The following SPEF2 variants were observed in gnomAD, a reference collection of about 807,000 sequenced individuals.
SPEF2 encodes sperm flagellar and cilia associated 2.
In SPEF2, 187 loss-of-function variants were observed where a neutral mutation model predicts 224.6. The ratio of observed to expected loss-of-function variants is 0.83; its 90% confidence interval spans 0.74 to 0.94. The LOEUF is 0.94. SPEF2 is among the 40% of genes least tolerant of loss of function. SPEF2 has a pLI of 0.00. For missense variants in SPEF2, 2,170 were observed against 2,135.6 expected (o/e 1.02, Z -0.32); for synonymous variants, 715 against 707.3 (o/e 1.01, Z -0.17).
chr5:35,795,568 C>T (rs1053075863), intron 32 of SPEF2, 135 bp from the exon 33 acceptor site: 2 of 603,284 alleles, frequency 3.3e-6, no homozygotes, highest in African/African-American at 3.7e-5. Context: ...TTTTCTCCTA[C>T]ACCCCTGTGG....
At chr5:35,771,515 A>C in intron 26 of SPEF2, 94 bp from the exon 27 acceptor site, 5 of 1,458,526 alleles carry the variant, frequency 3.4e-6, no homozygotes. Context: ...ACAGTGGATT[A>C]AGGTTTCAAC....
At chr5:35,650,613 C>G (rs1748050493) in intron 6 of SPEF2, among the ~76,000 whole-genome samples, 3 of 152,124 alleles carry the variant, frequency 2.0e-5, no homozygotes, top group Non-Finnish European at 4.4e-5. Context: ...TTTCCTGGGA[C>G]CCCTCAATTT....
At chr5:35,622,628 T>G (rs1743683744) in intron 1 of SPEF2, among the ~76,000 whole-genome samples, 1 of 152,182 alleles carries the variant, frequency 6.6e-6, no homozygotes, top group African/African-American at 2.4e-5. Context: ...GTCTAAACCT[T>G]ACACATTTTC....
At chr5:35,710,801 T>C (rs1208215243) in intron 19 of SPEF2, 2 of 985,060 alleles carry the variant, frequency 2.0e-6, no homozygotes, top group Non-Finnish European at 2.4e-6. Context: ...TATAATTATA[T>C]TCTTGAATAC....
At chr5:35,805,167 A>G (rs1212303794) in intron 34 of SPEF2, among the ~76,000 whole-genome samples, 1 of 152,138 alleles carries the variant, frequency 6.6e-6, no homozygotes, top group African/African-American at 2.4e-5. Flanking sequence ...TTGATTCCAA[A>G]ATCTTCACCT....
intron 30 of SPEF2, chr5:35,789,263 A>G (rs1179972900): frequency 1.4e-6 from 1 of 703,096 alleles, no homozygotes; most frequent in African/African-American, 1.7e-5. Flanking sequence ...GTTGGATGTC[A>G]TGAATGTCCT....
intron 10 of SPEF2, among the ~76,000 whole-genome samples, chr5:35,675,013 T>G (rs1751735171): frequency 6.6e-6 from 1 of 152,216 alleles, no homozygotes; most frequent in Non-Finnish European, 1.5e-5. Flanking sequence ...TAATTCTAAT[T>G]ATTCATTTTA....
At chr5:35,665,245 C>A (rs1013256062) in intron 8 of SPEF2, among the ~76,000 whole-genome samples, 1 of 152,120 alleles carries the variant, frequency 6.6e-6, no homozygotes, top group Admixed American at 6.5e-5. Context: ...ATTTTAGAGT[C>A]CAGGCTCATA....
chr5:35,663,631 C>T (rs1011808458), intron 8 of SPEF2, among the ~76,000 whole-genome samples: 2 of 152,148 alleles, frequency 1.3e-5, no homozygotes, highest in African/African-American at 4.8e-5. Flanking sequence ...GTTTCTACTG[C>T]AGTACTACTA....
At chr5:35,633,144 G>C (rs943094787) in intron 2 of SPEF2, 1 of 152,110 alleles carries the variant, frequency 6.6e-6, no homozygotes, top group African/African-American at 2.4e-5. Context: ...ATATCTGTGA[G>C]GTCCAGTTGG....
chr5:35,710,760 T>C, intron 19 of SPEF2: 1 of 985,304 alleles, frequency 1.0e-6, no homozygotes, highest in Non-Finnish European at 1.2e-6. Flanking sequence ...ACCAGCTCAG[T>C]CTTTAAGTTT....
At position 35,709,032 on chromosome 5, in the gene SPEF2, C is replaced by T; in HGVS notation, c.2750C>T (p.Ala917Val). ...AELPLPTPPP[A>V]PPPEPEKEKE... Reference sequence around the variant, plus strand: ...CTTCCACTTCCTACACCTCCTCCTGCTCCTCCTCCTGAACCAGAAAAAGAG... The same window carrying T: ...CTTCCACTTCCTACACCTCCTCCTGTTCCTCCTCCTGAACCAGAAAAAGAG... The change falls in exon 19 of 37, where the codon GCT becomes GTT. Residue 917 changes from alanine to valine, a missense_variant. By Grantham distance (64) the Ala-to-Val change is moderately conservative. Coordinates refer to ENST00000356031, the MANE Select transcript of SPEF2 (RefSeq NM_024867.4). 6.2e-7 allele frequency: 1 copy of T among 1,613,666 alleles called. No homozygotes were observed. The highest frequency in any genetic ancestry group is 8.5e-7 in the Non-Finnish European group (1 of 1,179,700).
chr5:35,710,216 A>G, intron 19 of SPEF2: 6 of 985,052 alleles, frequency 6.1e-6, no homozygotes, highest in South Asian at 4.7e-5. Context: ...TTAAAAAACA[A>G]TTCAGAGGTC....
chr5:35,730,035 A>C (rs1017236454), intron 21 of SPEF2, among the ~76,000 whole-genome samples: 1 of 152,220 alleles, frequency 6.6e-6, no homozygotes, highest in Admixed American at 6.5e-5. Context: ...AGGGGAAGAC[A>C]GATGCCCAGT....
chr5:35,808,015 A>G, intron 36 of SPEF2: 1 of 1,206,118 alleles, frequency 8.3e-7, no homozygotes, highest in Non-Finnish European at 1.0e-6. Flanking sequence ...GCTGAGTTGA[A>G]AATAAAAGCG....
intron 15 of SPEF2, 24 bp downstream of exon 15, chr5:35,697,817 C>G (rs1335510269): frequency 2.0e-6 from 3 of 1,520,588 alleles, no homozygotes; most frequent in East Asian, 2.3e-5. Context: ...TTTTCTTCCT[C>G]TCATCTATTT....
intron 19 of SPEF2, chr5:35,710,703 T>G: frequency 1.0e-6 from 1 of 985,172 alleles, no homozygotes; most frequent in Non-Finnish European, 1.2e-6. Flanking sequence ...AGAGTATCTA[T>G]GTATTTGAGC....
chr5:35,719,806 G>A (rs540303911), intron 20 of SPEF2, among the ~76,000 whole-genome samples: 3 of 152,260 alleles, frequency 2.0e-5, no homozygotes, highest in Admixed American at 1.3e-4. Context: ...ATTTTTAATA[G>A]AGACAGGGTT....
In SPEF2 at chr5:35,641,549, A is replaced by G; in HGVS notation, c.280A>G (p.Thr94Ala). Residue 94 changes from threonine (T) to alanine (A), a missense_variant, in exon 3 of 37, where the codon ACA becomes GCA. Transcript: ENST00000356031. The part of the protein sequence containing the change: ...GIITEKPGVA[T>A]KLLYQLYIAL... ...CATCACAGAAAAGCCTGGGGTGGCA[A>G]CAAAGCTGTTATATCAATTGTACAT... is the stretch of plus-strand genomic sequence containing the variant. 6.2e-7 allele frequency: 1 copy of G among 1,613,850 alleles called. No individual in the cohort carries two copies. The highest frequency in any genetic ancestry group is 8.5e-7 in the Non-Finnish European group (1 of 1,179,830).
Sources: gnomAD v4.1 joint callset for allele counts (sites outside exome capture counted in the v4.1 genomes callset) on GRCh38, gnomAD v4.1.1 for gene constraint, MANE v1.5 for transcripts, NCBI Gene and HGNC (gene_info 2026-07-23, HGNC 2026-07-21) for gene names.